NGF: variants seen among roughly 807,000 people sequenced by gnomAD.
NGF encodes the protein nerve growth factor.
In NGF, 4 loss-of-function variants were observed where a neutral mutation model predicts 12.8. That is an observed-to-expected ratio of 0.31 (90% CI 0.15 to 0.72). NGF has a LOEUF of 0.72. Ranked by LOEUF, NGF falls within the 30% of genes least tolerant of loss-of-function variation. NGF has a pLI of 0.69. For synonymous variants in NGF, 140 were observed against 130.0 expected (o/e 1.08, Z -0.52); for missense variants, 283 against 330.8 (o/e 0.86, Z 1.12).
intron 1 of NGF, among the ~76,000 whole-genome samples, chr1:115,334,222 A>C (rs1655045148): frequency 6.6e-6 from 1 of 152,082 alleles, no homozygotes; most frequent in Admixed American, 6.5e-5. Flanking sequence ...GTCAATGTGC[A>C]CTCATGTTGT....
chr1:115,335,783 A>G (rs1306921642), intron 1 of NGF, among the ~76,000 whole-genome samples: 2 of 152,218 alleles, frequency 1.3e-5, no homozygotes, highest in Non-Finnish European at 2.9e-5. Flanking sequence ...CATGCCCAGT[A>G]GAGAAGAGCA....
chr1:115,314,183 C>T (rs4567277), intron 1 of NGF, among the ~76,000 whole-genome samples: 126,507 of 152,160 alleles, frequency 0.83, 53,046 homozygotes, highest in African/African-American at 0.93. Flanking sequence ...TTTGTCTACA[C>T]GGTTCTGTGA....
At chr1:115,326,025 A>T (rs1654762214) in intron 1 of NGF, among the ~76,000 whole-genome samples, 1 of 152,000 alleles carries the variant, frequency 6.6e-6, no homozygotes, top group Admixed American at 6.6e-5. Context: ...CAGGGGAGAG[A>T]TCCAGGCTGG....
intron 2 of NGF, among the ~76,000 whole-genome samples, chr1:115,290,389 T>C (rs1653653907): frequency 1.6e-5 from 1 of 61,150 alleles, no homozygotes; most frequent in Admixed American, 1.4e-4. Flanking sequence ...CTCTCATCTT[T>C]TTTTTTTTTT....
chr1:115,291,784 G>C (rs977808482), intron 2 of NGF, among the ~76,000 whole-genome samples: 22 of 152,366 alleles, frequency 1.4e-4, no homozygotes, highest in African/African-American at 4.3e-4. Context: ...GCTGAACAGA[G>C]CTAAGCAACT....
chr1:115,293,821 A>G (rs1653781430), intron 1 of NGF, 71 bp from the exon 2 acceptor site: 1 of 152,656 alleles, frequency 6.6e-6, no homozygotes, highest in Admixed American at 6.5e-5. Context: ...GTGGGGAGGC[A>G]TGTGCCAATA....
intron 1 of NGF, among the ~76,000 whole-genome samples, chr1:115,318,850 C>A (rs1260358919): frequency 6.6e-6 from 1 of 152,180 alleles, no homozygotes; most frequent in Non-Finnish European, 1.5e-5. Flanking sequence ...CAAGACTAGC[C>A]ATCAATAGCT....
chr1:115,286,673 C>T lies in NGF; in HGVS notation c.123G>A (p.Gln41=). 1 of 1,614,208 alleles carries T rather than the reference C, an allele frequency of 6.2e-7. No homozygotes were observed. The highest frequency in any genetic ancestry group is 8.5e-7 in the Non-Finnish European group (1 of 1,180,036). Residue 41 remains glutamine (Q), a synonymous_variant, in exon 3 of 3, where the codon CAG becomes CAA. Coordinates refer to ENST00000369512, the MANE Select transcript of NGF (RefSeq NM_002506.3). The part of the protein sequence containing the change: ...TIPQAHWTKL[Q]HSLDTALRRA... ...TGCGAAGGGCAGTGTCAAGGGAATG[C>T]TGAAGTTTAGTCCAGTGGGCTTGGG...
chr1:115,335,204 T>C (rs1257877494), intron 1 of NGF, among the ~76,000 whole-genome samples: 2 of 152,236 alleles, frequency 1.3e-5, no homozygotes, highest in Non-Finnish European at 2.9e-5. Flanking sequence ...GTGACGTTTC[T>C]ATGCTTCTGC....
chr1:115,312,262 A>G (rs950815320), intron 1 of NGF, among the ~76,000 whole-genome samples: 1 of 152,200 alleles, frequency 6.6e-6, no homozygotes, highest in Non-Finnish European at 1.5e-5. Flanking sequence ...ATATTTGAAA[A>G]AGACTCTTAG....
intron 1 of NGF, among the ~76,000 whole-genome samples, chr1:115,309,391 T>C (rs1426669600): frequency 6.6e-6 from 1 of 152,258 alleles, no homozygotes; most frequent in Non-Finnish European, 1.5e-5. Context: ...TACCGTTCTA[T>C]ATTTTATAAA....
chr1:115,336,125 G>T (rs955709440), intron 1 of NGF, among the ~76,000 whole-genome samples: 1 of 152,174 alleles, frequency 6.6e-6, no homozygotes, highest in Admixed American at 6.5e-5. Flanking sequence ...GGCAATAGGA[G>T]AAGGCAAGAA....
intron 1 of NGF, among the ~76,000 whole-genome samples, chr1:115,313,847 G>C (rs1274969884): frequency 6.6e-6 from 1 of 152,166 alleles, no homozygotes; most frequent in Admixed American, 6.5e-5. Flanking sequence ...TTTGCAAGTA[G>C]CTTTGATTTT....
At chr1:115,289,969 T>G (rs902753152) in intron 2 of NGF, among the ~76,000 whole-genome samples, 9 of 152,152 alleles carry the variant, frequency 5.9e-5, no homozygotes, top group African/African-American at 1.9e-4. Flanking sequence ...GTCTCCCACC[T>G]GATATCCTGG....
At chr1:115,337,359 A>C (rs1452875890) in intron 1 of NGF, among the ~76,000 whole-genome samples, 2 of 134,804 alleles carry the variant, frequency 1.5e-5, no homozygotes, top group African/African-American at 5.7e-5. Context: ...GCTGGCTCAA[A>C]GTTGCAGCTC....
intron 1 of NGF, among the ~76,000 whole-genome samples, chr1:115,318,209 G>A (rs777823887): frequency 6.6e-5 from 10 of 152,200 alleles, no homozygotes; most frequent in Non-Finnish European, 1.5e-4. Flanking sequence ...CTCCTTGCCA[G>A]GGGCATGGTT....
chr1:115,329,964 C>T (rs895797828), intron 1 of NGF, among the ~76,000 whole-genome samples: 2 of 151,950 alleles, frequency 1.3e-5, no homozygotes, highest in Non-Finnish European at 2.9e-5. Context: ...CTTTGTTGCT[C>T]AGGATGGCCT....
chr1:115,294,799 GA>G (rs1653811759), intron 1 of NGF, among the ~76,000 whole-genome samples: 2 of 152,312 alleles, frequency 1.3e-5, no homozygotes, highest in Non-Finnish European at 2.9e-5. Context: ...TTCTGAGCAT[GA>G]AGTAACGAGA....
chr1:115,317,353 G>C (rs980947981), intron 1 of NGF, among the ~76,000 whole-genome samples: 1 of 152,136 alleles, frequency 6.6e-6, no homozygotes, highest in African/African-American at 2.4e-5. Flanking sequence ...AGAAGCCCAC[G>C]GTCTAGCTTG....
Sources: gnomAD v4.1 joint callset for allele counts (sites outside exome capture counted in the v4.1 genomes callset) on GRCh38, gnomAD v4.1.1 for gene constraint, MANE v1.5 for transcripts, NCBI Gene and HGNC (gene_info 2026-07-23, HGNC 2026-07-21) for gene names.